The following PRKN variants were observed in gnomAD, a reference collection of about 807,000 sequenced individuals.
PRKN encodes the protein E3 ubiquitin-protein ligase parkin.
Under a neutral mutation model 59.5 loss-of-function variants are expected in PRKN, and 56 were observed. That is an observed-to-expected ratio of 0.94 (90% CI 0.76 to 1.18). PRKN has a LOEUF of 1.18. Ranked by LOEUF, PRKN falls within the 50% of genes most tolerant of loss-of-function variation. The probability of loss-of-function intolerance (pLI) is 0.00; values close to 1 mark genes in which losing one functional copy is unlikely to be tolerated. For missense variants in PRKN, 657 were observed against 596.4 expected (o/e 1.10, Z -1.06); for synonymous variants, 250 against 222.1 (o/e 1.13, Z -1.12).
chr6:162,162,732 G>A (rs1472492519), intron 4 of PRKN, among the ~76,000 whole-genome samples: 2 of 152,038 alleles, frequency 1.3e-5, no homozygotes, highest in African/African-American at 2.4e-5. Flanking sequence ...ATTTCTGGCC[G>A]GGTGCGGTGG....
At chr6:162,436,340 CTTT>C (rs201920542) in intron 2 of PRKN, among the ~76,000 whole-genome samples, 1 of 144,400 alleles carries the variant, frequency 6.9e-6, no homozygotes. Context: ...CATCTGTTTC[CTTT>C]TTTTTTTTTG....
chr6:161,883,477 ACT>A (rs958792793), intron 6 of PRKN, among the ~76,000 whole-genome samples: 1 of 138,756 alleles, frequency 7.2e-6, no homozygotes, highest in African/African-American at 2.7e-5. Flanking sequence ...ACAGAGCAAG[ACT>A]CTGACAAAGG....
intron 7 of PRKN, among the ~76,000 whole-genome samples, chr6:161,715,787 C>G (rs765591464): frequency 2.1e-4 from 32 of 152,136 alleles, no homozygotes; most frequent in Non-Finnish European, 4.1e-4. Flanking sequence ...GAACCCCAGT[C>G]ACTGGGGGGA....
intron 1 of PRKN, among the ~76,000 whole-genome samples, chr6:162,539,877 C>T (rs1778858753): frequency 1.3e-5 from 2 of 152,130 alleles, no homozygotes; most frequent in African/African-American, 4.8e-5. Context: ...TAATTTCCCA[C>T]CTACCTAAAG....
chr6:162,548,822 C>T (rs927876055), intron 1 of PRKN, among the ~76,000 whole-genome samples: 2 of 152,040 alleles, frequency 1.3e-5, no homozygotes, highest in African/African-American at 2.4e-5. Flanking sequence ...AGTTAAATAA[C>T]TTGACATTTT....
chr6:162,408,605 G>A (rs1486972746), intron 2 of PRKN, among the ~76,000 whole-genome samples: 3 of 152,164 alleles, frequency 2.0e-5, no homozygotes, highest in East Asian at 1.9e-4. Context: ...AAGAGATAGT[G>A]AGAAATAAGT....
At chr6:162,292,398 T>C (rs1781477271) in intron 2 of PRKN, among the ~76,000 whole-genome samples, 1 of 152,146 alleles carries the variant, frequency 6.6e-6, no homozygotes, top group Non-Finnish European at 1.5e-5. Flanking sequence ...TCATTACCCT[T>C]TTGTACCCTG....
At chr6:161,804,818 C>G (rs1198952520) in intron 6 of PRKN, among the ~76,000 whole-genome samples, 2 of 152,208 alleles carry the variant, frequency 1.3e-5, no homozygotes, top group African/African-American at 4.8e-5. Flanking sequence ...CAATCTATTG[C>G]TGTCTATGAG....
chr6:162,171,208 A>C (rs1293598150), intron 4 of PRKN, among the ~76,000 whole-genome samples: 1 of 152,160 alleles, frequency 6.6e-6, no homozygotes, highest in African/African-American at 2.4e-5. Context: ...TGGTGCACAC[A>C]GAAAAAAACG....
intron 7 of PRKN, among the ~76,000 whole-genome samples, chr6:161,596,720 T>C (rs961385243): frequency 3.9e-5 from 6 of 152,206 alleles, no homozygotes; most frequent in African/African-American, 1.4e-4. Context: ...TAGATTATTT[T>C]TCTGATCATT....
intron 4 of PRKN, among the ~76,000 whole-genome samples, chr6:162,102,860 G>C (rs904055348): frequency 2.7e-5 from 4 of 149,064 alleles, no homozygotes; most frequent in African/African-American, 1.0e-4. Context: ...TGGCTAACAC[G>C]GTGAAACCCC....
At chr6:161,859,393 A>C (rs995574263) in intron 6 of PRKN, among the ~76,000 whole-genome samples, 1 of 151,910 alleles carries the variant, frequency 6.6e-6, no homozygotes, top group South Asian at 2.1e-4. Flanking sequence ...TCACAAGGTC[A>C]GGAGATCGAG....
intron 9 of PRKN, among the ~76,000 whole-genome samples, chr6:161,476,342 G>A (rs1196931039): frequency 1.3e-5 from 2 of 152,154 alleles, no homozygotes; most frequent in African/African-American, 2.4e-5. Context: ...TGCTTCTGAT[G>A]TGTGGGGAAA....
rs529779512 is a variant in PRKN, at chr6:162,053,992, A to G, written c.618+99T>C. ...CTTTTGGCAAACATTATTAGATGGA[A>G]GAACAGTCAGTTGACATTTTGTCTC... On this transcript the variant is annotated intron_variant, in intron 5 of 11. Transcript: ENST00000366898. 15 of 857,974 alleles carry G rather than the reference A, an allele frequency of 1.7e-5. No individual in the cohort carries two copies. In the Admixed American group the frequency reaches 1.9e-4, roughly 11 times the overall value. 53.1% of individuals were successfully genotyped at this position (857,974 alleles called of 1,614,324 possible).
Position 161,503,526 on chromosome 6 carries a change from C to G in PRKN, c.1083+45328G>C, listed in dbSNP as rs961299574. Among the ~76,000 whole-genome samples the G allele has an allele frequency of 2.6e-4, 39 of 152,068 alleles. No individual in the cohort carries two copies. Among genetic ancestry groups the G allele is most frequent in the African/African-American group, 9.2e-4 (38 of 41,360 alleles). On this transcript the variant is annotated intron_variant, in intron 9 of 11. Coordinates refer to ENST00000366898, the MANE Select transcript of PRKN (RefSeq NM_004562.3). The surrounding 1 kb of genome is among the most constrained non-coding windows in gnomAD (Gnocchi z 5.1). The stretch of plus-strand genomic sequence containing the variant: ...AACTCACTTAATGGCTGCAACGGCC[C>G]CAGGAGGTAGATACTTATTAATTAC...
chr6:161,895,600 AG>A, intron 6 of PRKN, among the ~76,000 whole-genome samples: 3 of 116,300 alleles, frequency 2.6e-5, no homozygotes, highest in African/African-American at 1.0e-4. Context: ...TCTGAGATTC[AG>A]GAGCACGCCC....
chr6:162,274,183 G>GTATT (rs145665415), intron 2 of PRKN, among the ~76,000 whole-genome samples: 10 of 151,282 alleles, frequency 6.6e-5, no homozygotes, highest in African/African-American at 1.9e-4. Flanking sequence ...ATTTATTAAT[G>GTATT]TATTTATTTA....
intron 7 of PRKN, among the ~76,000 whole-genome samples, chr6:161,605,845 A>G (rs575372954): frequency 6.6e-6 from 1 of 152,218 alleles, no homozygotes; most frequent in East Asian, 1.9e-4. Flanking sequence ...CCAAGCAGAA[A>G]TTACAACCCT....
intron 4 of PRKN, among the ~76,000 whole-genome samples, chr6:162,185,950 C>A (rs1784011393): frequency 6.6e-6 from 1 of 151,882 alleles, no homozygotes; most frequent in South Asian, 2.1e-4. Context: ...GGCTATGTAG[C>A]AGAAGGAGAA....
Sources: gnomAD v4.1 joint callset for allele counts (sites outside exome capture counted in the v4.1 genomes callset) on GRCh38, gnomAD v4.1.1 for gene constraint, Gnocchi (gnomAD v3.1) non-coding constraint, MANE v1.5 for transcripts, NCBI Gene and HGNC (gene_info 2026-07-23, HGNC 2026-07-21) for gene names.